Variants in USP54 observed in about 807,000 individuals in gnomAD.
USP54 encodes ubiquitin carboxyl-terminal hydrolase 54.
Under a neutral mutation model 170.5 loss-of-function variants are expected in USP54, and 87 were observed. The observed-to-expected ratio is 0.51, with a 90% CI of 0.43 to 0.61. The LOEUF is 0.61. Among genes scored for constraint, USP54 ranks in the 20% least tolerant of loss-of-function variants. The pLI, the probability that USP54 is intolerant of heterozygous loss-of-function variation, is 0.00. For missense variants in USP54, 1,786 were observed against 2,047.8 expected, an observed-to-expected ratio of 0.87 and a Z score of 2.47; for synonymous variants, 655 against 742.8, an observed-to-expected ratio of 0.88 and a Z score of 1.92.
Position 73,575,789 on chromosome 10 carries a change from C to A in USP54, c.-18+9G>T. On this transcript the variant is annotated intron_variant, in intron 2 of 23. Transcript: ENST00000687698. ...GTGAATTTATTTTGGAAGATTTTGA[C>A]TTTACCACCTTCCAAATATCATCTG... 1 of 1,147,576 alleles carries A rather than the reference C, an allele frequency of 8.7e-7. No individual in the cohort carries two copies. Among genetic ancestry groups the A allele is most frequent in the Non-Finnish European group, 1.2e-6 (1 of 831,486 alleles). The allele number at this position is 1,147,576 out of a possible 1,614,324, so 71.1% of individuals were successfully genotyped here.
At position 73,530,190 on chromosome 10, in the gene USP54, CTTTTGTCCT is replaced by C. The variant is rs2063715658; in HGVS notation, c.1772_1780del (p.Lys591_Lys593del). The C allele has an allele frequency of 1.2e-6, 2 of 1,613,836 alleles. No homozygotes were observed. Among genetic ancestry groups the C allele is most frequent in the African/African-American group, 2.7e-5 (2 of 74,926 alleles). The stretch of plus-strand genomic sequence containing the variant: ...AAGCTGGGTATAGCCACAGTGCTTC[CTTTTGTCCT>C]TACTAAAGATACTGTCAATATTCAG... On this transcript the variant is annotated inframe_deletion, in exon 14 of 24. Transcript: ENST00000687698.
intron 3 of USP54, among the ~76,000 whole-genome samples, chr10:73,572,574 T>G (rs2133804741): frequency 6.6e-6 from 1 of 152,352 alleles, no homozygotes; most frequent in South Asian, 2.1e-4. Flanking sequence ...TGAAACTGGC[T>G]ATGCTCCCAA....
chr10:73,578,208 A>T (rs1252241878), intron 1 of USP54, among the ~76,000 whole-genome samples: 1 of 152,188 alleles, frequency 6.6e-6, no homozygotes, highest in Non-Finnish European at 1.5e-5. Flanking sequence ...TAGAAGTGAG[A>T]GCATAAAGGA....
At chr10:73,593,584 C>G (rs1177530615), upstream of USP54, among the ~76,000 whole-genome samples, 2 of 152,050 alleles carry the variant, frequency 1.3e-5, no homozygotes, top group East Asian at 3.9e-4. Context: ...CAAAACTTAA[C>G]AAGTCATATT....
At chr10:73,551,067 G>A (rs956787668) in intron 4 of USP54, among the ~76,000 whole-genome samples, 1 of 152,154 alleles carries the variant, frequency 6.6e-6, no homozygotes. Context: ...ATTGCATACT[G>A]CACTCCAGCC....
chr10:73,564,657 A>G (rs77766437), intron 4 of USP54, among the ~76,000 whole-genome samples: 5,372 of 152,260 alleles, frequency 0.035, 152 homozygotes, highest in South Asian at 0.11. Context: ...TTGTGGGTCA[A>G]TGGGACAAGA....
intron 4 of USP54, among the ~76,000 whole-genome samples, chr10:73,569,175 G>C (rs902386249): frequency 3.3e-5 from 5 of 152,104 alleles, no homozygotes; most frequent in African/African-American, 1.2e-4. Flanking sequence ...CCCCAAACAC[G>C]TTTTTTTGTT....
At chr10:73,602,486 G>A (rs900559660) in intron 1 of USP54, among the ~76,000 whole-genome samples, 1 of 151,540 alleles carries the variant, frequency 6.6e-6, no homozygotes, top group African/African-American at 2.4e-5. Context: ...CCAGGAGGCA[G>A]AGCTTGCAGT....
chr10:73,520,777 C>A, intron 18 of USP54, 131 bp downstream of exon 18: 1 of 1,310,298 alleles, frequency 7.6e-7, no homozygotes, highest in Non-Finnish European at 1.1e-6. Context: ...ACAGCTAACG[C>A]GACTCAGTTT....
chr10:73,593,180 G>A (rs1209273229), upstream of USP54, among the ~76,000 whole-genome samples: 2 of 151,436 alleles, frequency 1.3e-5, no homozygotes. Context: ...GCAACACAGG[G>A]AGGCCCCTTC....
chr10:73,500,555 T>C, intron 23 of USP54, 100 bp downstream of exon 23: 1 of 1,182,110 alleles, frequency 8.5e-7, no homozygotes, highest in Admixed American at 2.6e-5. Context: ...CCACTCCACC[T>C]TGGGATACCC....
upstream of USP54, among the ~76,000 whole-genome samples, chr10:73,592,618 G>C (rs897999066): frequency 3.3e-5 from 5 of 152,132 alleles, no homozygotes; most frequent in African/African-American, 1.2e-4. Flanking sequence ...GATAAGTGCT[G>C]ACTGCAAATA....
rs1452396610 is a variant in USP54 at position 73,500,825 on chromosome 10, A to T, written c.4325T>A (p.Val1442Glu). 1 of 1,600,546 alleles carries T rather than the reference A, an allele frequency of 6.2e-7. No individual in the cohort carries two copies. The change falls in exon 23 of 24, where the codon GTG (valine) becomes GAG (glutamate). Residue 1442 changes from valine (V) to glutamate (E), a missense_variant. Val to Glu is a moderately radical substitution (Grantham distance 121). Around this residue, in one of 3 missense-constraint regions of USP54, gnomAD observed 1,418 missense variants for 1,569.0 expected, o/e 0.90. Transcript: ENST00000687698. ...GTGCCCGGTTTCCAAAGGCTTCCTC[A>T]CGTTTGATGAATCCTTATAATGAGA... ...VSSHSFDSSN[V>E]RKPLETGHRC...
intron 1 of USP54, among the ~76,000 whole-genome samples, chr10:73,607,005 G>A (rs1283124408): frequency 6.6e-6 from 1 of 151,378 alleles, no homozygotes; most frequent in Non-Finnish European, 1.5e-5. Flanking sequence ...ATTTCTAGAG[G>A]CAGGAATTAG....
intron 1 of USP54, among the ~76,000 whole-genome samples, chr10:73,603,222 A>G (rs2079339899): frequency 6.6e-6 from 1 of 152,216 alleles, no homozygotes; most frequent in Non-Finnish European, 1.5e-5. Flanking sequence ...GGAGCAAACC[A>G]ATTTACTAAT....
At chr10:73,578,693 C>T (rs1018256638) in intron 1 of USP54, among the ~76,000 whole-genome samples, 8 of 152,068 alleles carry the variant, frequency 5.3e-5, no homozygotes, top group Admixed American at 2.6e-4. Context: ...CATGAGCCAC[C>T]GCACCCAGCC....
At position 73,519,846 on chromosome 10, in the gene USP54, G is replaced by A. The variant is rs1160921363; in HGVS notation, c.2629C>T (p.Pro877Ser). 6.2e-7 allele frequency: 1 copy of A among 1,614,016 alleles called. No homozygotes were observed. Among genetic ancestry groups the A allele is most frequent in the Non-Finnish European group, 8.5e-7 (1 of 1,180,034 alleles). ...GCCTGTGTTGGGAGGCAGGCTGAGG[G>A]CTGCGACGGCTGCTGTGGTGATTGC... ...QQQSPQQPSQ[P>S]SACLPTQAGT... The change falls in exon 19 of 24, where the codon CCC (proline) becomes TCC (serine). Residue 877 changes from proline to serine, a missense_variant. Physicochemically the swap from Pro to Ser is moderately conservative, Grantham distance 74. Transcript: ENST00000687698.
rs771873382 is a variant in USP54, at chr10:73,499,144, C to T, written c.4540G>A (p.Gly1514Ser). The part of the protein sequence containing the change: ...VQQFLAMCDR[G>S]ETSQGAKYTG... ...TACTTGGCCCCTTGGGAAGTTTCAC[C>T]CCTGTCACACATAGCCAGAAACTGC... is the stretch of plus-strand genomic sequence containing the variant. Residue 1514 changes from glycine (G) to serine (S), a missense_variant, in exon 24 of 24, where the codon GGT becomes AGT. Gly to Ser is a moderately conservative substitution (Grantham distance 56). Around this residue, in one of 3 missense-constraint regions of USP54, gnomAD observed 1,418 missense variants for 1,569.0 expected, o/e 0.90. Coordinates refer to ENST00000687698, the MANE Select transcript of USP54 (RefSeq NM_001391956.1). 6 of 1,613,438 alleles carry T rather than the reference C, an allele frequency of 3.7e-6. No individual in the cohort carries two copies. The highest frequency in any genetic ancestry group is 2.2e-5 in the East Asian group (1 of 44,886).
chr10:73,620,357 T>C (rs1264539288), intron 1 of USP54, among the ~76,000 whole-genome samples: 2 of 149,930 alleles, frequency 1.3e-5, no homozygotes, highest in Non-Finnish European at 2.9e-5. Context: ...CTCTAGGCTT[T>C]AGTTTCCTCA....
Sources: gnomAD v4.1 joint callset for allele counts (sites outside exome capture counted in the v4.1 genomes callset) on GRCh38, gnomAD v4.1.1 for gene constraint, gnomAD v4.1.1 regional missense constraint, MANE v1.5 for transcripts, NCBI Gene and HGNC (gene_info 2026-07-23, HGNC 2026-07-21) for gene names.